ICE1: variants seen among roughly 807,000 people sequenced by gnomAD.
ICE1 encodes the protein little elongation complex subunit 1.
In ICE1, 64 loss-of-function variants were observed where a neutral mutation model predicts 192.7. The ratio of observed to expected loss-of-function variants is 0.33; its 90% CI spans 0.27 to 0.41. ICE1 has a LOEUF of 0.41. ICE1 is among the 10% of genes least tolerant of loss of function. The pLI, the probability that ICE1 is intolerant of heterozygous loss-of-function variation, is 1.00. For synonymous variants in ICE1, 1,010 were observed against 984.5 expected (o/e 1.03, Z -0.49); for missense variants, 2,708 against 2,696.0 (o/e 1.00, Z -0.10).
chr5:5,446,760 G>C (rs1407737960), intron 7 of ICE1, among the ~76,000 whole-genome samples: 1 of 152,162 alleles, frequency 6.6e-6, no homozygotes, highest in Non-Finnish European at 1.5e-5. Flanking sequence ...ATCCAAACTT[G>C]TTAGAGGAGT....
In ICE1 at chr5:5,463,238, A is replaced by G; in HGVS notation, c.3904A>G (p.Lys1302Glu). The change falls in exon 13 of 19, where the codon AAA becomes GAA. Residue 1302 changes from lysine (K) to glutamate (E), a missense_variant. Lys to Glu is a moderately conservative substitution (Grantham distance 56). Around this residue, in one of 2 missense-constraint regions of ICE1, gnomAD observed 2,366 missense variants for 2,276.6 expected, o/e 1.04. Coordinates refer to ENST00000296564, the MANE Select transcript of ICE1 (RefSeq NM_015325.3). Reference sequence around the variant, plus strand: ...CATGACCACTGAGAATTTAAAAGAGAAAAGTCCATTTCGGGAAACGACTGG... The same window carrying G: ...CATGACCACTGAGAATTTAAAAGAGGAAAGTCCATTTCGGGAAACGACTGG... ...NNMTTENLKE[K>E]SPFRETTGSS... 2 of 1,612,476 alleles carry G rather than the reference A, an allele frequency of 1.2e-6. No homozygotes were observed. Among genetic ancestry groups the G allele is most frequent in the Non-Finnish European group, 1.7e-6 (2 of 1,179,432 alleles).
rs779815250 is a variant in ICE1, at chr5:5,462,316, C to T, written c.2982C>T (p.Ser994=). The T allele has an allele frequency of 1.9e-6, 3 of 1,613,912 alleles. No homozygotes were observed. Among genetic ancestry groups the T allele is most frequent in the East Asian group, 4.5e-5 (2 of 44,864 alleles). The part of the protein sequence containing the change: ...QRQPQATDLD[S]SGTHGSEMLP... ...AGCCTCAGGCCACAGATCTGGACTC[C>T]AGTGGGACACATGGCAGTGAGATGC... is the stretch of plus-strand genomic sequence containing the variant. Residue 994 remains serine (S), a synonymous_variant, in exon 13 of 19, where the codon TCC becomes TCT. Coordinates refer to ENST00000296564, the MANE Select transcript of ICE1 (RefSeq NM_015325.3).
chr5:5,482,616 G>A (rs1180544325), intron 17 of ICE1, among the ~76,000 whole-genome samples: 5 of 152,318 alleles, frequency 3.3e-5, no homozygotes, highest in East Asian at 3.9e-4. Flanking sequence ...TGTCCTTTTC[G>A]TGCCGTGGCA....
chr5:5,466,390 A>C lies in ICE1; in HGVS notation c.5949A>C (p.Ile1983=). The C allele has an allele frequency of 6.2e-7, 1 of 1,613,382 alleles. No individual in the cohort carries two copies. The highest frequency in any genetic ancestry group is 8.5e-7 in the Non-Finnish European group (1 of 1,179,636). ...TCTCAGAACTAAAAATTCAGAAGAT[A>C]TCTATGGACCACAATTACATTCACG... ...SILSELKIQK[I]SMDHNYIHAL... is the part of the protein sequence containing the mutation. Residue 1983 remains isoleucine (I), a synonymous_variant, in exon 14 of 19, where the codon ATA becomes ATC. Transcript: ENST00000296564.
At chr5:5,486,629 C>A in intron 17 of ICE1, 92 bp from the exon 18 acceptor site, 2 of 794,354 alleles carry the variant, frequency 2.5e-6, no homozygotes, top group Non-Finnish European at 2.1e-6. Context: ...GCATTTTGAT[C>A]ACCTCTTGTA....
intron 5 of ICE1, 72 bp from the exon 6 acceptor site, chr5:5,443,096 G>A (rs1053315781): frequency 9.6e-6 from 8 of 837,372 alleles, no homozygotes; most frequent in African/African-American, 8.9e-5. Context: ...GCTTATCAAA[G>A]GCAAAGCAAG....
At chr5:5,472,609 C>G (rs1052453532) in intron 15 of ICE1, among the ~76,000 whole-genome samples, 2 of 152,080 alleles carry the variant, frequency 1.3e-5, no homozygotes, top group African/African-American at 4.8e-5. Flanking sequence ...TATTTTGAAC[C>G]ATGATTTGGC....
chr5:5,462,806 G>A lies in ICE1; in HGVS notation c.3472G>A (p.Asp1158Asn). ...EVGYLTSALQ[D>N]FNISTFSELD... is the part of the protein sequence containing the mutation. ...AGGTTATTTGACGTCAGCTCTGCAA[G>A]ATTTTAACATAAGTACTTTTTCTGA... Residue 1158 changes from aspartate to asparagine, a missense_variant, in exon 13 of 19, where the codon GAT becomes AAT. By Grantham distance (23) the Asp-to-Asn change is conservative. Around this residue, in one of 2 missense-constraint regions of ICE1, gnomAD observed 2,366 missense variants for 2,276.6 expected, o/e 1.04. Transcript: ENST00000296564. The A allele has an allele frequency of 6.2e-7, 1 of 1,612,828 alleles. No individual in the cohort carries two copies. The highest frequency in any genetic ancestry group is 1.1e-5 in the South Asian group (1 of 90,886).
At chr5:5,437,025 C>A in intron 2 of ICE1, 55 bp from the exon 3 acceptor site, 2 of 1,104,972 alleles carry the variant, frequency 1.8e-6, no homozygotes, top group South Asian at 2.7e-5. Context: ...ATAATTTTAA[C>A]ATAGTATATT....
intron 12 of ICE1, 97 bp from the exon 13 acceptor site, chr5:5,460,339 T>C: frequency 1.2e-6 from 1 of 840,368 alleles, no homozygotes; most frequent in South Asian, 1.9e-5. Flanking sequence ...TAAAGATTCT[T>C]CAGGAAACGT....
chr5:5,434,884 T>C (rs1008630224), intron 1 of ICE1, among the ~76,000 whole-genome samples: 1 of 152,222 alleles, frequency 6.6e-6, no homozygotes, highest in Non-Finnish European at 1.5e-5. Context: ...TTTCCTGATA[T>C]GAAAAAGGTG....
chr5:5,478,627 A>T (rs1739409306), intron 17 of ICE1, among the ~76,000 whole-genome samples: 1 of 152,136 alleles, frequency 6.6e-6, no homozygotes, highest in Non-Finnish European at 1.5e-5. Flanking sequence ...GAGCCAAAAA[A>T]CCCATATAGC....
At chr5:5,443,625 ATGACTGACCCCTTGCTTTGTGCCAG>A (rs1028177798) in intron 6 of ICE1, among the ~76,000 whole-genome samples, 1 of 152,192 alleles carries the variant, frequency 6.6e-6, no homozygotes, top group Non-Finnish European at 1.5e-5. Flanking sequence ...TCAGAACATA[ATGACTGACCCCTTGCTTTGTGCCAG>A]TGCTTTAACC....
In ICE1 at chr5:5,462,925, T is replaced by C. The variant is rs181978780; in HGVS notation, c.3591T>C (p.Ser1197=). 5.8e-5 allele frequency: 94 copies of C among 1,609,820 alleles called. No homozygotes were observed. Among genetic ancestry groups the C allele is most frequent in the Middle Eastern group, 1.7e-4 (1 of 6,058 alleles). Residue 1197 remains serine, a synonymous_variant, in exon 13 of 19, where the codon TCT becomes TCC. Coordinates refer to ENST00000296564, the MANE Select transcript of ICE1 (RefSeq NM_015325.3). Reference sequence around the variant, plus strand: ...CAGGGGACTCTGTTTCTGAATGTTCTAGTAAAGGAACCCTAAGTAAAGAAA... The same window carrying C: ...CAGGGGACTCTGTTTCTGAATGTTCCAGTAAAGGAACCCTAAGTAAAGAAA... ...YSSGDSVSEC[S]SKGTLSKEMN...
At chr5:5,457,804 T>C (rs1738634137) in intron 12 of ICE1, 63 bp downstream of exon 12, 1 of 1,431,050 alleles carries the variant, frequency 7.0e-7, no homozygotes, top group Admixed American at 2.0e-5. Flanking sequence ...AATATGTCCT[T>C]GATGCTCAAA....
intron 17 of ICE1, among the ~76,000 whole-genome samples, chr5:5,479,638 T>G (rs892279314): frequency 6.6e-6 from 1 of 152,212 alleles, no homozygotes; most frequent in Non-Finnish European, 1.5e-5. Context: ...TAAAGACTCA[T>G]GCACACATAT....
chr5:5,444,395 T>C, intron 7 of ICE1, 69 bp downstream of exon 7: 4 of 1,025,286 alleles, frequency 3.9e-6, no homozygotes, highest in Non-Finnish European at 5.9e-6. Flanking sequence ...TATGAGGAGG[T>C]ACTTCTTGAT....
chr5:5,451,342 A>G (rs957591051), intron 10 of ICE1, among the ~76,000 whole-genome samples: 2 of 152,174 alleles, frequency 1.3e-5, no homozygotes, highest in African/African-American at 4.8e-5. Flanking sequence ...ACGGAGAATG[A>G]AGTGTTTAAC....
intron 14 of ICE1, among the ~76,000 whole-genome samples, chr5:5,467,922 G>T (rs576923855): frequency 6.6e-6 from 1 of 152,294 alleles, no homozygotes; most frequent in South Asian, 2.1e-4. Flanking sequence ...TTACGCAGCA[G>T]AAACACAGAG....
Sources: gnomAD v4.1 joint callset for allele counts (sites outside exome capture counted in the v4.1 genomes callset) on GRCh38, gnomAD v4.1.1 for gene constraint, gnomAD v4.1.1 regional missense constraint, MANE v1.5 for transcripts, NCBI Gene and HGNC (gene_info 2026-07-23, HGNC 2026-07-21) for gene names.